Variants in INSC observed in about 807,000 individuals in gnomAD.
The protein encoded by INSC is INSC spindle orientation adaptor protein.
INSC carries 67 observed loss-of-function variants against 58.6 expected under a neutral mutation model. The ratio of observed to expected loss-of-function variants is 1.14; its 90% CI spans 0.94 to 1.40. The LOEUF is 1.40. Among genes scored for constraint, INSC ranks in the 40% most tolerant of loss-of-function variants. INSC has a pLI of 0.00. For synonymous variants in INSC, 262 were observed against 276.1 expected, an observed-to-expected ratio of 0.95 and a Z score of 0.51; for missense variants, 714 against 692.0, an observed-to-expected ratio of 1.03 and a Z score of -0.36.
At chr11:15,168,387 G>A (rs1849276234) in intron 2 of INSC, among the ~76,000 whole-genome samples, 1 of 152,130 alleles carries the variant, frequency 6.6e-6, no homozygotes, top group Admixed American at 6.5e-5. Flanking sequence ...CTGTTCCTGT[G>A]TTAGTTTGCT....
Position 15,246,207 on chromosome 11 carries a change from A to G in INSC, c.*167A>G. On this transcript the variant is annotated 3_prime_UTR_variant, in exon 13 of 13. Coordinates refer to ENST00000379556, the MANE Select transcript of INSC (RefSeq NM_001042536.3). Reference sequence around the variant, plus strand: ...AAATCTTAGAGCAACATCATCAAACAGTCTTTGGTCCTTGAGAATCTTCTT... The same window carrying G: ...AAATCTTAGAGCAACATCATCAAACGGTCTTTGGTCCTTGAGAATCTTCTT... The G allele has an allele frequency of 1.6e-6, 1 of 622,944 alleles. No individual in the cohort carries two copies. The highest frequency in any genetic ancestry group is 2.8e-5 in the South Asian group (1 of 35,698). 38.6% of individuals were successfully genotyped at this position (622,944 alleles called of 1,614,324 possible).
chr11:15,260,563 AT>A, the INSC span, among the ~76,000 whole-genome samples: 1 of 152,194 alleles, frequency 6.6e-6, no homozygotes, highest in Non-Finnish European at 1.5e-5. Flanking sequence ...AGAATTAGAA[AT>A]AATATATGGG....
chr11:15,203,813 T>G (rs543880462), intron 7 of INSC, among the ~76,000 whole-genome samples: 12 of 117,072 alleles, frequency 1.0e-4, no homozygotes, highest in South Asian at 1.0e-3. Flanking sequence ...GCCCATGAGC[T>G]AAGAATGATT....
chr11:15,219,880 T>C (rs528653118), intron 7 of INSC, among the ~76,000 whole-genome samples: 81 of 152,314 alleles, frequency 5.3e-4, no homozygotes, highest in African/African-American at 1.9e-3. Flanking sequence ...CTGCTTCCCT[T>C]CCCTTTTCTA....
chr11:15,155,206 A>G (rs1048462148), intron 2 of INSC, among the ~76,000 whole-genome samples: 2 of 152,182 alleles, frequency 1.3e-5, no homozygotes, highest in Non-Finnish European at 2.9e-5. Context: ...TTCCCAACAC[A>G]TGAGTCCATG....
chr11:15,190,586 C>A, intron 5 of INSC, 115 bp from the exon 6 acceptor site: 2 of 753,604 alleles, frequency 2.7e-6, no homozygotes, highest in Non-Finnish European at 4.8e-6. Context: ...TAGCTAGGGG[C>A]AGGAGTAGAT....
chr11:15,226,937 G>T (rs1851662718), intron 9 of INSC, among the ~76,000 whole-genome samples: 1 of 152,158 alleles, frequency 6.6e-6, no homozygotes, highest in South Asian at 2.1e-4. Flanking sequence ...CCCAAACTTT[G>T]TCAGTTATTT....
intron 4 of INSC, among the ~76,000 whole-genome samples, chr11:15,177,703 G>GGT (rs1430730138): frequency 6.6e-6 from 1 of 152,146 alleles, no homozygotes; most frequent in Non-Finnish European, 1.5e-5. Flanking sequence ...TACACACCCA[G>GGT]GTGTGTGTTG....
chr11:15,230,029 T>TA lies in INSC; in HGVS notation c.1170+4202dup, dbSNP rs1331274253. The stretch of plus-strand genomic sequence containing the variant: ...TATATATATAATATATATATATATA[T>TA]ATATATATATAAAAGCCAGGCATGG... On this transcript the variant is annotated intron_variant, in intron 9 of 12. Transcript: ENST00000379556. 1.7e-3 allele frequency among the ~76,000 whole-genome samples: 111 copies of TA among 66,114 alleles called. 1 individual carries two copies. The highest frequency in any genetic ancestry group is 4.1e-3 in the Admixed American group (19 of 4,654). 43.4% of individuals were successfully genotyped at this position (66,114 alleles called of 152,430 possible). A position where few individuals can be genotyped will look rare whatever the true frequency, so the allele number is the denominator to read the frequency against.
intron 2 of INSC, among the ~76,000 whole-genome samples, chr11:15,162,192 C>A (rs1009690510): frequency 1.3e-5 from 2 of 152,174 alleles, no homozygotes; most frequent in African/African-American, 4.8e-5. Flanking sequence ...ACCCAAAGTG[C>A]TTACAATGGC....
intron 2 of INSC, among the ~76,000 whole-genome samples, chr11:15,157,776 T>C (rs1304414228): frequency 6.6e-6 from 1 of 152,126 alleles, no homozygotes; most frequent in Non-Finnish European, 1.5e-5. Context: ...TGGTATTAGA[T>C]GGGCTTGTGG....
chr11:15,142,878 G>A (rs898000557), intron 1 of INSC, among the ~76,000 whole-genome samples: 6 of 151,786 alleles, frequency 4.0e-5, no homozygotes, highest in African/African-American at 1.5e-4. Flanking sequence ...TGTTACATAT[G>A]TATACATGTG....
At chr11:15,235,727 C>G in intron 10 of INSC, 59 bp downstream of exon 10, 1 of 1,425,246 alleles carries the variant, frequency 7.0e-7, no homozygotes, top group Non-Finnish European at 9.9e-7. Flanking sequence ...GGGACTGTGT[C>G]TTTGTGCTTG....
intron 2 of INSC, among the ~76,000 whole-genome samples, chr11:15,174,672 T>G (rs546979901): frequency 5.9e-5 from 9 of 152,386 alleles, no homozygotes; most frequent in African/African-American, 2.2e-4. Flanking sequence ...AGTCATTAGC[T>G]ATGCATGTCT....
At chr11:15,157,713 G>A (rs187957697) in intron 2 of INSC, among the ~76,000 whole-genome samples, 1 of 152,172 alleles carries the variant, frequency 6.6e-6, no homozygotes, top group South Asian at 2.1e-4. Context: ...ACAGTCCCTA[G>A]ACTCCCAAAA....
upstream of INSC, chr11:15,112,628 G>GTGTACTGTAGGTA: frequency 1.7e-6 from 1 of 602,072 alleles, no homozygotes; most frequent in Non-Finnish European, 2.4e-6. Context: ...GTGTGTGTGT[G>GTGTACTGTAGGTA]TGTGTGTGTA....
rs575008432 is a variant in INSC, at chr11:15,183,085, C to T, written c.579+4638C>T. On this transcript the variant is annotated intron_variant, in intron 5 of 12. Coordinates refer to ENST00000379556, the MANE Select transcript of INSC (RefSeq NM_001042536.3). ...TATTTTGGCTGGGTGTGGCGACTCA[C>T]GCTTGTAATCTCAGCACTTTGGGAG... 3.9e-5 allele frequency among the ~76,000 whole-genome samples: 6 copies of T among 152,120 alleles called. No individual in the cohort carries two copies. In the East Asian group the frequency reaches 7.8e-4, roughly 20 times the overall value.
intron 2 of INSC, among the ~76,000 whole-genome samples, chr11:15,172,893 A>T (rs1373154060): frequency 6.6e-6 from 1 of 152,178 alleles, no homozygotes; most frequent in Non-Finnish European, 1.5e-5. Flanking sequence ...TGACTTATCC[A>T]GGGAACGGTG....
chr11:15,189,789 A>C (rs1412591399), intron 5 of INSC, among the ~76,000 whole-genome samples: 1 of 152,216 alleles, frequency 6.6e-6, no homozygotes, highest in Admixed American at 6.5e-5. Flanking sequence ...TCTTTCTAGA[A>C]GAAAACTTGA....
Sources: gnomAD v4.1 joint callset for allele counts (sites outside exome capture counted in the v4.1 genomes callset) on GRCh38, gnomAD v4.1.1 for gene constraint, MANE v1.5 for transcripts, NCBI Gene and HGNC (gene_info 2026-07-23, HGNC 2026-07-21) for gene names.